Variants in EPHA6 observed in about 807,000 individuals in gnomAD.
EPHA6 encodes ephrin type-A receptor 6.
A neutral mutation model predicts 112.0 loss-of-function variants in EPHA6; 50 were observed. The ratio of observed to expected loss-of-function variants is 0.45; its 90% confidence interval spans 0.36 to 0.56. EPHA6 has a LOEUF of 0.56. EPHA6 is among the 20% of genes least tolerant of loss of function. The pLI is 0.00. For missense variants in EPHA6, 1,280 were observed against 1,417.4 expected, an observed-to-expected ratio of 0.90 and a Z score of 1.56; for synonymous variants, 529 against 490.7, an observed-to-expected ratio of 1.08 and a Z score of -1.03.
chr3:97,156,078 C>CA (rs2076282971), intron 3 of EPHA6, among the ~76,000 whole-genome samples: 1 of 152,144 alleles, frequency 6.6e-6, no homozygotes, highest in Non-Finnish European at 1.5e-5. Context: ...TCACAGGTTC[C>CA]AACCTCATAC....
At chr3:97,729,215 T>G (rs2034923015) in intron 15 of EPHA6, among the ~76,000 whole-genome samples, 2 of 152,254 alleles carry the variant, frequency 1.3e-5, no homozygotes, top group South Asian at 4.1e-4. Context: ...CCTAATTTCA[T>G]TTGGCATTTG....
chr3:96,950,518 A>G (rs948515101), intron 2 of EPHA6, among the ~76,000 whole-genome samples: 1 of 152,164 alleles, frequency 6.6e-6, no homozygotes, highest in East Asian at 1.9e-4. Context: ...ATATTAGTTC[A>G]TGGAAAAATC....
chr3:96,827,729 G>A (rs947556858), intron 1 of EPHA6, among the ~76,000 whole-genome samples: 13 of 151,972 alleles, frequency 8.6e-5, no homozygotes, highest in Admixed American at 1.3e-4. Context: ...CAAATGTCCC[G>A]AAATAGGAAA....
chr3:97,350,646 G>A (rs1179267791), intron 5 of EPHA6, among the ~76,000 whole-genome samples: 1 of 152,048 alleles, frequency 6.6e-6, no homozygotes, highest in East Asian at 1.9e-4. Flanking sequence ...ATATATAACA[G>A]CCTAATCAAG....
intron 4 of EPHA6, among the ~76,000 whole-genome samples, chr3:97,240,680 GTTC>G (rs1271747928): frequency 1.3e-5 from 2 of 151,754 alleles, no homozygotes; most frequent in African/African-American, 2.4e-5. Flanking sequence ...CCTTCAGCTT[GTTC>G]TTCTTCTGTG....
At chr3:97,596,836 T>A (rs2093596220) in intron 12 of EPHA6, among the ~76,000 whole-genome samples, 1 of 134,812 alleles carries the variant, frequency 7.4e-6, no homozygotes, top group Non-Finnish European at 1.6e-5. Flanking sequence ...AGGTATACAT[T>A]TGAGTTTGGT....
intron 4 of EPHA6, among the ~76,000 whole-genome samples, chr3:97,242,475 CCTGT>C (rs1353103884): frequency 1.3e-5 from 2 of 151,818 alleles, no homozygotes; most frequent in East Asian, 1.9e-4. Flanking sequence ...TATTTCAGCA[CCTGT>C]CTTTCTAATT....
At chr3:97,259,157 A>G (rs563268553) in intron 5 of EPHA6, among the ~76,000 whole-genome samples, 1 of 152,328 alleles carries the variant, frequency 6.6e-6, no homozygotes, top group Non-Finnish European at 1.5e-5. Flanking sequence ...TCAGAAGAAA[A>G]TAAAATTCCT....
chr3:97,408,283 A>C (rs1226930015), intron 6 of EPHA6, among the ~76,000 whole-genome samples: 1 of 152,080 alleles, frequency 6.6e-6, no homozygotes, highest in Admixed American at 6.6e-5. Context: ...ACGGTGGCTC[A>C]TGCCTGTAAT....
chr3:96,928,420 A>G (rs2040150096), intron 2 of EPHA6, among the ~76,000 whole-genome samples: 1 of 152,152 alleles, frequency 6.6e-6, no homozygotes, highest in Non-Finnish European at 1.5e-5. Context: ...ATTTGCATGT[A>G]GTTGTGTGGT....
chr3:96,894,052 A>G (rs942215927), intron 2 of EPHA6, among the ~76,000 whole-genome samples: 1 of 152,194 alleles, frequency 6.6e-6, no homozygotes, highest in Non-Finnish European at 1.5e-5. Flanking sequence ...ATCCAAAATG[A>G]GGTCAAGTCA....
chr3:97,237,569 A>T lies in EPHA6; in HGVS notation c.1271-6383A>T, dbSNP rs187925782. ...ATCTCAGAAAGAATTGTCCCACTCAATATCATCTGTTTGTACAAAACAGAT... is the reference window on the plus strand; with the variant it reads ...ATCTCAGAAAGAATTGTCCCACTCATTATCATCTGTTTGTACAAAACAGAT... On this transcript the variant is annotated intron_variant, in intron 4 of 17. Coordinates refer to ENST00000389672, the MANE Select transcript of EPHA6 (RefSeq NM_001080448.3). Among the ~76,000 whole-genome samples the T allele has an allele frequency of 1.9e-4, 29 of 152,146 alleles. No individual in the cohort carries two copies. In the East Asian group the frequency reaches 2.5e-3, roughly 13 times the overall value.
intron 11 of EPHA6, among the ~76,000 whole-genome samples, chr3:97,576,768 T>C (rs967956720): frequency 6.6e-6 from 1 of 151,858 alleles, no homozygotes; most frequent in Non-Finnish European, 1.5e-5. Context: ...AATTCAACCT[T>C]GAAAAAAGAA....
At chr3:96,961,655 C>A (rs1205843617) in intron 2 of EPHA6, among the ~76,000 whole-genome samples, 1 of 150,190 alleles carries the variant, frequency 6.7e-6, no homozygotes, top group Non-Finnish European at 1.5e-5. Context: ...GTGTGATACA[C>A]TTCAGTTTAC....
intron 2 of EPHA6, among the ~76,000 whole-genome samples, chr3:96,912,445 A>ATTTT (rs2039266263): frequency 1.3e-5 from 2 of 152,168 alleles, no homozygotes; most frequent in African/African-American, 4.8e-5. Context: ...TGCTGTGAAA[A>ATTTT]ATACTGAGAC....
At chr3:97,032,174 A>T (rs1048210707) in intron 3 of EPHA6, among the ~76,000 whole-genome samples, 1 of 152,140 alleles carries the variant, frequency 6.6e-6, no homozygotes, top group African/African-American at 2.4e-5. Flanking sequence ...GGAAACCATC[A>T]TTCTCAGAAA....
chr3:97,163,739 A>G (rs1339980201), intron 3 of EPHA6, among the ~76,000 whole-genome samples: 1 of 152,178 alleles, frequency 6.6e-6, no homozygotes, highest in Non-Finnish European at 1.5e-5. Flanking sequence ...CCAGGGAGGC[A>G]TCTGCCACTG....
chr3:97,339,813 A>T (rs962112407), intron 5 of EPHA6, among the ~76,000 whole-genome samples: 1 of 152,174 alleles, frequency 6.6e-6, no homozygotes, highest in Non-Finnish European at 1.5e-5. Context: ...ACACTGAAAG[A>T]AGCAGCTCAC....
intron 7 of EPHA6, among the ~76,000 whole-genome samples, chr3:97,455,600 T>G (rs2090655885): frequency 6.6e-6 from 1 of 152,072 alleles, no homozygotes; most frequent in African/African-American, 2.4e-5. Flanking sequence ...ATATTTTGCC[T>G]TAGCATAATG....
Sources: gnomAD v4.1 joint callset for allele counts (sites outside exome capture counted in the v4.1 genomes callset) on GRCh38, gnomAD v4.1.1 for gene constraint, MANE v1.5 for transcripts, NCBI Gene and HGNC (gene_info 2026-07-23, HGNC 2026-07-21) for gene names.